MFAP3L: variants seen among roughly 807,000 people sequenced by gnomAD.
MFAP3L encodes microfibrillar-associated protein 3-like.
A neutral mutation model predicts 20.0 loss-of-function variants in MFAP3L; 5 were observed. That is an observed-to-expected ratio of 0.25 (90% confidence interval 0.13 to 0.53). The LOEUF (loss-of-function observed/expected upper bound fraction) is 0.53, where lower values mean the gene tolerates loss of function less well. Ranked by LOEUF, MFAP3L falls within the 20% of genes least tolerant of loss-of-function variation. The pLI is 0.96. For missense variants in MFAP3L, 409 were observed against 527.5 expected, an observed-to-expected ratio of 0.78 and a Z score of 2.20; for synonymous variants, 219 against 213.0, an observed-to-expected ratio of 1.03 and a Z score of -0.25.
intron 1 of MFAP3L, 108 bp downstream of exon 1, chr4:170,026,126 A>G: frequency 1.6e-6 from 1 of 625,790 alleles, no homozygotes; most frequent in Non-Finnish European, 2.0e-6. Context: ...AGCCAGCCCA[A>G]ACACCCGAAA....
chr4:169,991,259 C>T lies in MFAP3L; in HGVS notation c.*119G>A, dbSNP rs982878961. The T allele has an allele frequency of 1.1e-5, 12 of 1,064,520 alleles. No homozygotes were observed. The African/African-American group carries it at 1.4e-4, about 13-fold the overall frequency. 65.9% of individuals were successfully genotyped at this position (1,064,520 alleles called of 1,614,324 possible). A position where few individuals can be genotyped will look rare whatever the true frequency, so the allele number is the denominator to read the frequency against. On this transcript the variant is annotated 3_prime_UTR_variant, in exon 3 of 3. Transcript: ENST00000361618. The surrounding 1 kb of genome is among the most constrained non-coding windows in gnomAD (Gnocchi z 4.9). ...GGTGTTTCTCCTTTTAAAGTGGCAT[C>T]ACTCCTACCTAAGGGATGAGAGTCT...
intron 1 of MFAP3L, among the ~76,000 whole-genome samples, chr4:170,020,240 C>T (rs774346799): frequency 6.6e-6 from 1 of 152,178 alleles, no homozygotes; most frequent in Non-Finnish European, 1.5e-5. Context: ...TTCTGCTGTA[C>T]CTGAGACAGA....
chr4:170,026,589 A>C (rs1327491493), upstream of MFAP3L, among the ~76,000 whole-genome samples: 1 of 151,290 alleles, frequency 6.6e-6, no homozygotes, highest in Non-Finnish European at 1.5e-5. Flanking sequence ...CGGAGGAGCC[A>C]CCGGAGGCTG....
intron 1 of MFAP3L, among the ~76,000 whole-genome samples, chr4:170,008,849 T>C (rs1365224931): frequency 1.3e-5 from 2 of 152,206 alleles, no homozygotes; most frequent in Non-Finnish European, 2.9e-5. Flanking sequence ...AGCTCCTGGA[T>C]AGCAAAAACT....
rs766572672 is a variant in MFAP3L at position 169,991,865 on chromosome 4, A to G, written c.743T>C (p.Met248Thr). 2 of 1,614,184 alleles carry G rather than the reference A, an allele frequency of 1.2e-6. No individual in the cohort carries two copies. Among genetic ancestry groups the G allele is most frequent in the Non-Finnish European group, 1.7e-6 (2 of 1,180,038 alleles). ...ARSVPLPPLI[M>T]NCRTIMEEIM... ...CTCCTCCATGATAGTCCTGCAGTTC[A>G]TAATGAGAGGCGGCAGAGGCACGCT... is the stretch of plus-strand genomic sequence containing the variant. Residue 248 changes from methionine (M) to threonine (T), a missense_variant, in exon 3 of 3, where the codon ATG (methionine) becomes ACG (threonine). Transcript: ENST00000361618. This position sits in a 1 kb window ranked among gnomAD's most constrained non-coding sequence, Gnocchi z 4.9.
rs1348481095 is a variant in MFAP3L, at chr4:169,991,998, T to A, written c.610A>T (p.Ile204Phe). The A allele has an allele frequency of 6.2e-7, 1 of 1,614,180 alleles. No individual in the cohort carries two copies. Among genetic ancestry groups the A allele is most frequent in the South Asian group, 1.1e-5 (1 of 91,082 alleles). ...GAEKLQKAFE[I>F]AKRIPIITSA... ...GTGATGATGGGGATGCGCTTGGCGA[T>A]CTCAAATGCCTTCTGCAGCTTCTCT... is the stretch of plus-strand genomic sequence containing the variant. The change falls in exon 3 of 3, where the codon ATC becomes TTC. Residue 204 changes from isoleucine to phenylalanine, a missense_variant. By Grantham distance (21) the Ile-to-Phe change is conservative. Transcript: ENST00000361618. The surrounding 1 kb of genome is among the most constrained non-coding windows in gnomAD (Gnocchi z 4.9).
chr4:169,998,252 C>T (rs910397409), intron 2 of MFAP3L, among the ~76,000 whole-genome samples: 2 of 152,246 alleles, frequency 1.3e-5, no homozygotes, highest in Non-Finnish European at 2.9e-5. Flanking sequence ...AATGAGAGAA[C>T]AGATCAATAG....
chr4:170,003,481 T>A (rs1268357240), intron 2 of MFAP3L, among the ~76,000 whole-genome samples: 1 of 152,202 alleles, frequency 6.6e-6, no homozygotes, highest in Non-Finnish European at 1.5e-5. Context: ...AGTCAGCAGT[T>A]ACAAGGACCT....
At chr4:170,026,453 C>T (rs1157792238), upstream of MFAP3L, 2 of 229,966 alleles carry the variant, frequency 8.7e-6, no homozygotes, top group Non-Finnish European at 1.4e-5. Context: ...GCCGAGCATG[C>T]CCAGTGCGGC....
At chr4:170,002,231 A>C in intron 2 of MFAP3L, 4 of 985,354 alleles carry the variant, frequency 4.1e-6, no homozygotes, top group Non-Finnish European at 4.8e-6. Context: ...CAGGACCTAA[A>C]GGATGATGTG....
chr4:170,009,291 G>A (rs977072699), intron 1 of MFAP3L, among the ~76,000 whole-genome samples: 9 of 151,160 alleles, frequency 6.0e-5, no homozygotes, highest in African/African-American at 2.2e-4. Flanking sequence ...GCTGGGGCAG[G>A]AGAATCACTT....
rs542174674 is a variant in MFAP3L, at chr4:169,989,308, T to G, written c.*2070A>C. On this transcript the variant is annotated 3_prime_UTR_variant, in exon 3 of 3. Transcript: ENST00000361618. ...AGTTCAGTCCTTTTCAAGAGATGTC[T>G]CATCAAACTCCATGACTAGTTCTAT... The G allele has an allele frequency of 6.6e-6, 1 of 152,208 alleles. No individual in the cohort carries two copies. The highest frequency in any genetic ancestry group is 2.4e-5 in the African/African-American group (1 of 41,448). 9.4% of individuals were successfully genotyped at this position (152,208 alleles called of 1,614,324 possible).
At chr4:170,002,947 A>G (rs1176647816) in intron 2 of MFAP3L, among the ~76,000 whole-genome samples, 1 of 152,088 alleles carries the variant, frequency 6.6e-6, no homozygotes, top group Non-Finnish European at 1.5e-5. Flanking sequence ...TAATATGGAC[A>G]TTTCCCCCTT....
chr4:170,010,633 A>G (rs1739316004), intron 1 of MFAP3L, among the ~76,000 whole-genome samples: 1 of 152,218 alleles, frequency 6.6e-6, no homozygotes, highest in Admixed American at 6.5e-5. Context: ...TTTCTTAATA[A>G]CAGTCTTTTC....
rs1038980260 is a variant in MFAP3L at position 169,991,453 on chromosome 4, T to G, written c.1155A>C (p.Pro385=). ...PVEVPDKVLP[P]AYLEATEPAV... ...CTGGCTCTGTGGCTTCCAGGTAAGC[T>G]GGCGGCAGTACCTTATCTGGTACCT... The change falls in exon 3 of 3, where the codon CCA becomes CCC. Residue 385 remains proline (P), a synonymous_variant. Coordinates refer to ENST00000361618, the MANE Select transcript of MFAP3L (RefSeq NM_021647.8). The surrounding 1 kb of genome is among the most constrained non-coding windows in gnomAD (Gnocchi z 4.9). 1 of 1,614,190 alleles carries G rather than the reference T, an allele frequency of 6.2e-7. No homozygotes were observed. The highest frequency in any genetic ancestry group is 1.1e-5 in the South Asian group (1 of 91,080).
At chr4:170,001,320 C>T (rs1738599987) in intron 2 of MFAP3L, among the ~76,000 whole-genome samples, 1 of 152,092 alleles carries the variant, frequency 6.6e-6, no homozygotes, top group Non-Finnish European at 1.5e-5. Context: ...AAACTAGAGG[C>T]AAAATTTATA....
chr4:169,986,834 C>T lies in MFAP3L; in HGVS notation c.*4544G>A, dbSNP rs115702190. ...TCCAGAACTACTGAAATACAACAAA[C>T]GAAATCTAAGTGCAAGCATCTTCCT... is the stretch of plus-strand genomic sequence containing the variant. On this transcript the variant is annotated 3_prime_UTR_variant, in exon 3 of 3. Transcript: ENST00000361618. 132 of 152,274 alleles carry T rather than the reference C, an allele frequency of 8.7e-4. No individual in the cohort carries two copies. Among genetic ancestry groups the T allele is most frequent in the African/African-American group, 3.0e-3 (124 of 41,572 alleles). The allele number at this position is 152,274 out of a possible 1,614,324, so 9.4% of individuals were successfully genotyped here. A position where few individuals can be genotyped will look rare whatever the true frequency, so the allele number is the denominator to read the frequency against.
Position 170,015,357 on chromosome 4 carries a change from C to T in MFAP3L, c.-133-9347G>A, listed in dbSNP as rs140236609. Among the ~76,000 whole-genome samples the T allele has an allele frequency of 7.3e-3, 1,111 of 152,084 alleles. 9 individuals carry two copies. The highest frequency in any genetic ancestry group is 0.026 in the African/African-American group (1,081 of 41,478). On this transcript the variant is annotated intron_variant, in intron 1 of 2. Coordinates refer to ENST00000361618, the MANE Select transcript of MFAP3L (RefSeq NM_021647.8). ...GACTGGGGTTGGAAAAGGGAAGAAACGGTGAGGGGTAAAGAGAAAAGGGAA... is the reference window on the plus strand; with the variant it reads ...GACTGGGGTTGGAAAAGGGAAGAAATGGTGAGGGGTAAAGAGAAAAGGGAA...
chr4:169,991,634 G>A lies in MFAP3L; in HGVS notation c.974C>T (p.Ser325Phe). ...IAIKVSVHPQ[S>F]KKEHADDQEG... ...TTGGTCATCTGCATGCTCTTTTTTG[G>A]ACTGCGGGTGAACTGACACCTTGAT... is the stretch of plus-strand genomic sequence containing the variant. Residue 325 changes from serine (S) to phenylalanine (F), a missense_variant, in exon 3 of 3, where the codon TCC becomes TTC. By Grantham distance (155) the Ser-to-Phe change is radical (BLOSUM62 -2). Coordinates refer to ENST00000361618, the MANE Select transcript of MFAP3L (RefSeq NM_021647.8). This position sits in a 1 kb window ranked among gnomAD's most constrained non-coding sequence, Gnocchi z 4.9. 1 of 1,614,042 alleles carries A rather than the reference G, an allele frequency of 6.2e-7. No homozygotes were observed.
Sources: gnomAD v4.1 joint callset for allele counts (sites outside exome capture counted in the v4.1 genomes callset) on GRCh38, gnomAD v4.1.1 for gene constraint, Gnocchi (gnomAD v3.1) non-coding constraint, MANE v1.5 for transcripts, NCBI Gene and HGNC (gene_info 2026-07-23, HGNC 2026-07-21) for gene names.